PIK3C3: variants seen among roughly 807,000 people sequenced by gnomAD.
PIK3C3 encodes the protein PI3-kinase type 3.
In PIK3C3, 95 loss-of-function variants were observed where a neutral mutation model predicts 126.1. That is an observed-to-expected ratio of 0.75 (90% CI 0.64 to 0.89). The LOEUF (loss-of-function observed/expected upper bound fraction) is 0.89, where lower values mean the gene tolerates loss of function less well. Ranked by LOEUF, PIK3C3 falls within the 40% of genes least tolerant of loss-of-function variation. The pLI is 0.00. For synonymous variants in PIK3C3, 374 were observed against 360.0 expected, an observed-to-expected ratio of 1.04 and a Z score of -0.44; for missense variants, 829 against 1,063.2, an observed-to-expected ratio of 0.78 and a Z score of 3.06.
chr18:41,989,409 T>G (rs1981661613), intron 5 of PIK3C3, among the ~76,000 whole-genome samples: 1 of 152,130 alleles, frequency 6.6e-6, no homozygotes, highest in Non-Finnish European at 1.5e-5. Context: ...GTGTTTTGGG[T>G]CAAGGCTAAT....
At chr18:41,991,933 A>G (rs1002991733) in intron 6 of PIK3C3, among the ~76,000 whole-genome samples, 8 of 152,190 alleles carry the variant, frequency 5.3e-5, no homozygotes, top group African/African-American at 1.4e-4. Flanking sequence ...ATTTTAAACT[A>G]TATGTCATTT....
At chr18:42,070,519 AAAAG>A (rs1482718693) in intron 24 of PIK3C3, 1 of 152,130 alleles carries the variant, frequency 6.6e-6, no homozygotes, top group Non-Finnish European at 1.5e-5. Context: ...ATGGAGGAGA[AAAAG>A]AGGTTGATAA....
intron 8 of PIK3C3, among the ~76,000 whole-genome samples, 155 bp downstream of exon 8, chr18:41,996,149 C>T (rs889265530): frequency 1.3e-5 from 2 of 152,124 alleles, no homozygotes; most frequent in African/African-American, 4.8e-5. Context: ...ATCAGCAGTT[C>T]TGTTATCATT....
chr18:42,072,724 T>C (rs1018580059), intron 24 of PIK3C3, among the ~76,000 whole-genome samples: 2 of 152,062 alleles, frequency 1.3e-5, no homozygotes, highest in Non-Finnish European at 2.9e-5. Flanking sequence ...TTTGTAGAGA[T>C]GAGGTCCGAC....
At position 41,975,698 on chromosome 18, in the gene PIK3C3, GTT is replaced by G. The variant is rs35430380; in HGVS notation, c.531+5258_531+5259del. ...AGTTTTGGGAAATCTAAAACGGACT[GTT>G]TTTTTTTTTTTTTTTCTGAGATGGA... On this transcript the variant is annotated intron_variant, in intron 4 of 24. Coordinates refer to ENST00000262039, the MANE Select transcript of PIK3C3 (RefSeq NM_002647.4). Among the ~76,000 whole-genome samples the G allele has an allele frequency of 7.1e-3, 956 of 134,670 alleles. 23 individuals carry two copies. The highest frequency in any genetic ancestry group is 0.062 in the Admixed American group (843 of 13,512). 88.3% of individuals were successfully genotyped at this position (134,670 alleles called of 152,430 possible). A position where few individuals can be genotyped will look rare whatever the true frequency, so the allele number is the denominator to read the frequency against.
chr18:42,076,089 C>CATATATATATATGCATATATATAT (rs1985963004), intron 24 of PIK3C3, among the ~76,000 whole-genome samples: 1 of 54,660 alleles, frequency 1.8e-5, no homozygotes, highest in Non-Finnish European at 3.3e-5. Context: ...CTTTACCTTG[C>CATATATATATATGCATATATATAT]ATATATATAT....
At chr18:42,076,913 T>C (rs1986054802) in intron 24 of PIK3C3, among the ~76,000 whole-genome samples, 1 of 152,226 alleles carries the variant, frequency 6.6e-6, no homozygotes. Flanking sequence ...ATTCTTCAAA[T>C]GTACAGTAGT....
chr18:41,999,162 C>T (rs982806300), intron 9 of PIK3C3, among the ~76,000 whole-genome samples: 3 of 151,652 alleles, frequency 2.0e-5, no homozygotes, highest in African/African-American at 7.3e-5. Flanking sequence ...TAACTTTGTT[C>T]AATTAAATTT....
intron 24 of PIK3C3, among the ~76,000 whole-genome samples, chr18:42,072,727 G>T (rs961746900): frequency 1.3e-5 from 2 of 152,036 alleles, no homozygotes; most frequent in Non-Finnish European, 2.9e-5. Context: ...GTAGAGATGA[G>T]GTCCGACTAT....
At chr18:41,967,906 G>A (rs1279188554) in intron 3 of PIK3C3, among the ~76,000 whole-genome samples, 1 of 152,180 alleles carries the variant, frequency 6.6e-6, no homozygotes, top group Non-Finnish European at 1.5e-5. Flanking sequence ...GAGTCAGAAG[G>A]AGATCCTGCT....
chr18:42,040,855 C>A, intron 19 of PIK3C3, 114 bp downstream of exon 19: 1 of 715,510 alleles, frequency 1.4e-6, no homozygotes, highest in Non-Finnish European at 2.3e-6. Flanking sequence ...TTTCTTTCTT[C>A]AAGTTTTTTT....
chr18:42,068,660 G>T (rs181168831), intron 24 of PIK3C3, among the ~76,000 whole-genome samples: 4 of 151,828 alleles, frequency 2.6e-5, no homozygotes, highest in Admixed American at 2.6e-4. Flanking sequence ...TAGATATTTA[G>T]ATTCCCGGGG....
At chr18:42,029,534 ATTTTTTTTTTTTTTT>A (rs57593886) in intron 15 of PIK3C3, 93 bp downstream of exon 15, 7 of 212,756 alleles carry the variant, frequency 3.3e-5, no homozygotes, top group Admixed American at 1.2e-4. Flanking sequence ...TGATACGTGA[ATTTTTTTTTTTTTTT>A]TTTTTTTTTT....
intron 24 of PIK3C3, among the ~76,000 whole-genome samples, chr18:42,072,365 A>G (rs1351993756): frequency 6.6e-6 from 1 of 152,224 alleles, no homozygotes; most frequent in African/African-American, 2.4e-5. Flanking sequence ...TCCAAATGCT[A>G]CAAAAGCTTG....
intron 10 of PIK3C3, among the ~76,000 whole-genome samples, chr18:42,007,267 A>G (rs1982597014): frequency 6.6e-6 from 1 of 152,154 alleles, no homozygotes; most frequent in Non-Finnish European, 1.5e-5. Flanking sequence ...AAGTCTTTTT[A>G]CCCTTGTCTT....
rs55821466 is a variant in PIK3C3, at chr18:42,040,156, CTTTTTTTTT to C, written c.2039-510_2039-502del. ...TTCCACATACTGTCTGTCCCCTTTC[CTTTTTTTTT>C]TTTTTTTTTTGGTAGTTTAAGGGAT... is the stretch of plus-strand genomic sequence containing the variant. On this transcript the variant is annotated intron_variant, in intron 18 of 24. Coordinates refer to ENST00000262039, the MANE Select transcript of PIK3C3 (RefSeq NM_002647.4). 2.9e-3 allele frequency among the ~76,000 whole-genome samples: 321 copies of C among 110,532 alleles called. 4 individuals are homozygous for C. The highest frequency in any genetic ancestry group is 0.011 in the African/African-American group (294 of 26,050). 72.5% of individuals were successfully genotyped at this position (110,532 alleles called of 152,430 possible). A position where few individuals can be genotyped will look rare whatever the true frequency, so the allele number is the denominator to read the frequency against.
At chr18:42,059,068 A>G (rs555414946) in intron 22 of PIK3C3, among the ~76,000 whole-genome samples, 2 of 152,192 alleles carry the variant, frequency 1.3e-5, no homozygotes, top group African/African-American at 4.8e-5. Flanking sequence ...TCGTATTTGT[A>G]TGAGAACCCT....
At chr18:42,007,533 C>T (rs563373172) in intron 10 of PIK3C3, among the ~76,000 whole-genome samples, 8 of 152,170 alleles carry the variant, frequency 5.3e-5, no homozygotes, top group African/African-American at 1.7e-4. Context: ...TTTTTATTCA[C>T]TCACTTATCA....
intron 20 of PIK3C3, among the ~76,000 whole-genome samples, chr18:42,044,208 A>C (rs1984455757): frequency 6.6e-6 from 1 of 152,320 alleles, no homozygotes; most frequent in South Asian, 2.1e-4. Flanking sequence ...TGCTTCATTA[A>C]GAGGGTGCCC....
Sources: allele counts gnomAD v4.1 joint callset (sites outside exome capture counted in the v4.1 genomes callset), GRCh38; gene constraint gnomAD v4.1.1; transcripts MANE v1.5; gene names NCBI Gene and HGNC (gene_info 2026-07-23, HGNC 2026-07-21).